The following SUPT3H variants were observed in gnomAD, a reference collection of about 807,000 sequenced individuals.
SUPT3H encodes transcription initiation protein SPT3 homolog.
A neutral mutation model predicts 44.3 loss-of-function variants in SUPT3H; 44 were observed. The observed-to-expected ratio is 0.99, with a 90% CI of 0.78 to 1.28. The LOEUF (loss-of-function observed/expected upper bound fraction) is 1.28. Among genes scored for constraint, SUPT3H ranks in the 50% most tolerant of loss-of-function variants. The pLI, the probability that SUPT3H is intolerant of heterozygous loss-of-function variation, is 0.00. For synonymous variants in SUPT3H, 124 were observed against 125.6 expected, an observed-to-expected ratio of 0.99 and a Z score of 0.09; for missense variants, 380 against 387.1, an observed-to-expected ratio of 0.98 and a Z score of 0.15.
At chr6:45,119,492 C>A (rs1407494717) in intron 2 of SUPT3H, among the ~76,000 whole-genome samples, 4 of 152,046 alleles carry the variant, frequency 2.6e-5, no homozygotes, top group African/African-American at 9.7e-5. Flanking sequence ...TCAGTGGGCA[C>A]ACAAACTAGA....
At chr6:44,894,985 C>T (rs1763894670) in intron 10 of SUPT3H, among the ~76,000 whole-genome samples, 1 of 151,752 alleles carries the variant, frequency 6.6e-6, no homozygotes, top group Non-Finnish European at 1.5e-5. Flanking sequence ...AGAGAAATAC[C>T]TCTAATGATG....
In SUPT3H at chr6:45,278,039, C is replaced by G. The variant is rs145041627; in HGVS notation, c.101+87162G>C. Among the ~76,000 whole-genome samples, 391 of 151,250 alleles carry G rather than the reference C, an allele frequency of 2.6e-3. 3 individuals carry two copies. The highest frequency in any genetic ancestry group is 9.2e-3 in the African/African-American group (377 of 41,166). ...ACTAACACAGGAACAGAAAACCAAA[C>G]ACTACATGTTCTCACGCATAAGTGG... On this transcript the variant is annotated intron_variant, in intron 2 of 10. Coordinates refer to ENST00000371459, the MANE Select transcript of SUPT3H (RefSeq NM_003599.4).
At chr6:45,170,716 G>C (rs1810628149) in intron 2 of SUPT3H, among the ~76,000 whole-genome samples, 1 of 145,510 alleles carries the variant, frequency 6.9e-6, no homozygotes, top group South Asian at 2.1e-4. Context: ...TGTGAATATG[G>C]CAATTGGCTT....
At chr6:45,124,527 C>G (rs1260695140) in intron 2 of SUPT3H, among the ~76,000 whole-genome samples, 1 of 151,742 alleles carries the variant, frequency 6.6e-6, no homozygotes, top group Non-Finnish European at 1.5e-5. Context: ...TGCCTGTAAT[C>G]CCAGCTGCTT....
At chr6:45,066,666 C>T (rs1172567148) in intron 3 of SUPT3H, among the ~76,000 whole-genome samples, 79 of 104,488 alleles carry the variant, frequency 7.6e-4, no homozygotes, top group African/African-American at 2.5e-3. Flanking sequence ...TATACACCAA[C>T]AACAGACAAA....
chr6:44,871,292 T>A (rs1254722692), intron 10 of SUPT3H, among the ~76,000 whole-genome samples: 1 of 38,356 alleles, frequency 2.6e-5, no homozygotes, highest in Non-Finnish European at 5.1e-5. Context: ...AGCACGCAGC[T>A]GGAGATCTGA....
chr6:45,023,206 CA>C (rs1785427128), intron 3 of SUPT3H, among the ~76,000 whole-genome samples: 1 of 148,930 alleles, frequency 6.7e-6, no homozygotes, highest in Non-Finnish European at 1.5e-5. Flanking sequence ...AAATGCAAAT[CA>C]AAAGCACAAT....
chr6:45,334,742 A>G (rs1788219297), intron 2 of SUPT3H, among the ~76,000 whole-genome samples: 1 of 151,160 alleles, frequency 6.6e-6, no homozygotes, highest in Non-Finnish European at 1.5e-5. Context: ...CAGAACTTGT[A>G]ATAATGATTA....
At chr6:45,270,718 T>TA (rs1244295592) in intron 2 of SUPT3H, among the ~76,000 whole-genome samples, 1 of 152,194 alleles carries the variant, frequency 6.6e-6, no homozygotes, top group Non-Finnish European at 1.5e-5. Context: ...GCTGAAAAGA[T>TA]ACCTGAAAAT....
chr6:45,177,677 G>A (rs574797123), intron 2 of SUPT3H, among the ~76,000 whole-genome samples: 25 of 151,058 alleles, frequency 1.7e-4, no homozygotes, highest in East Asian at 1.2e-3. Flanking sequence ...GAGAAAGGTC[G>A]GGTTAGCCTC....
chr6:45,087,110 A>T (rs940175400), intron 3 of SUPT3H, among the ~76,000 whole-genome samples: 5 of 152,004 alleles, frequency 3.3e-5, no homozygotes, highest in African/African-American at 1.2e-4. Context: ...GGCTACATAA[A>T]GCATAGCAAA....
intron 11 of SUPT3H, among the ~76,000 whole-genome samples, chr6:44,819,361 G>A (rs1357352325): frequency 1.3e-5 from 2 of 151,932 alleles, no homozygotes; most frequent in African/African-American, 4.8e-5. Flanking sequence ...TGAAAAAACT[G>A]TTTTGGGTTC....
chr6:44,944,762 C>CAAAAAAAAAA lies in SUPT3H; in HGVS notation c.801+8538_801+8547dup, dbSNP rs57506313. On this transcript the variant is annotated intron_variant, in intron 9 of 10. Transcript: ENST00000371459. ...GGGAGACAAAGCAAGACCCTCTCTC[C>CAAAAAAAAAA]AAAAAAAAAAAAAAAAAAAAAAAGA... Among the ~76,000 whole-genome samples the CAAAAAAAAAA allele has an allele frequency of 4.7e-3, 139 of 29,810 alleles. 4 individuals are homozygous for CAAAAAAAAAA. The highest frequency in any genetic ancestry group is 9.4e-3 in the African/African-American group (117 of 12,488). 19.6% of individuals were successfully genotyped at this position (29,810 alleles called of 152,430 possible). A position where few individuals can be genotyped will look rare whatever the true frequency, so the allele number is the denominator to read the frequency against.
At chr6:45,175,477 G>A (rs147704715) in intron 2 of SUPT3H, among the ~76,000 whole-genome samples, 79 of 152,268 alleles carry the variant, frequency 5.2e-4, no homozygotes, top group African/African-American at 1.8e-3. Context: ...CCTCCACCTG[G>A]TCTCTCCCTT....
intron 2 of SUPT3H, among the ~76,000 whole-genome samples, chr6:45,336,098 T>G (rs529078835): frequency 6.6e-6 from 1 of 151,384 alleles, no homozygotes; most frequent in African/African-American, 2.4e-5. Context: ...TAAACTCCAG[T>G]GTCCACCCAG....
chr6:44,877,797 A>G (rs1203239978), intron 10 of SUPT3H, among the ~76,000 whole-genome samples: 1 of 152,196 alleles, frequency 6.6e-6, no homozygotes, highest in East Asian at 1.9e-4. Context: ...GAATTCCATT[A>G]TCAGTGAAGT....
intron 2 of SUPT3H, among the ~76,000 whole-genome samples, chr6:45,330,398 G>C (rs888046942): frequency 6.6e-6 from 1 of 151,878 alleles, no homozygotes; most frequent in Non-Finnish European, 1.5e-5. Flanking sequence ...TTACACAGAG[G>C]GATAACTTGA....
chr6:44,930,123 A>AAT (rs1161354965), intron 10 of SUPT3H, among the ~76,000 whole-genome samples: 1 of 152,132 alleles, frequency 6.6e-6, no homozygotes, highest in Non-Finnish European at 1.5e-5. Flanking sequence ...TCACGCCTGT[A>AAT]ATCCCAGCAC....
chr6:45,208,751 T>C (rs1763608083), intron 2 of SUPT3H, among the ~76,000 whole-genome samples: 1 of 150,346 alleles, frequency 6.7e-6, no homozygotes, highest in African/African-American at 2.4e-5. Context: ...ACAAAAAAAT[T>C]CTCAGTGGAA....
Sources: gnomAD v4.1 joint callset for allele counts (sites outside exome capture counted in the v4.1 genomes callset) on GRCh38, gnomAD v4.1.1 for gene constraint, MANE v1.5 for transcripts, NCBI Gene and HGNC (gene_info 2026-07-23, HGNC 2026-07-21) for gene names.